Variants in TTC6 observed in about 807,000 individuals in gnomAD.
TTC6 encodes the protein tetratricopeptide repeat domain 6.
TTC6 carries 172 observed loss-of-function variants against 210.4 expected under a neutral mutation model. That is an observed-to-expected ratio of 0.82 (90% confidence interval 0.72 to 0.93). TTC6 has a LOEUF of 0.93. TTC6 is among the 40% of genes least tolerant of loss of function. The pLI is 0.00. For missense variants in TTC6, 2,414 were observed against 2,318.1 expected, an observed-to-expected ratio of 1.04 and a Z score of -0.85; for synonymous variants, 804 against 819.6, an observed-to-expected ratio of 0.98 and a Z score of 0.32.
chr14:37,727,899 T>G (rs984858889), intron 7 of TTC6, among the ~76,000 whole-genome samples: 11 of 152,338 alleles, frequency 7.2e-5, no homozygotes, highest in South Asian at 2.1e-4. Flanking sequence ...TATGGATATT[T>G]GCTTTGGGTT....
At chr14:37,728,147 T>A (rs866093101) in intron 7 of TTC6, among the ~76,000 whole-genome samples, 1 of 146,254 alleles carries the variant, frequency 6.8e-6, no homozygotes, top group Admixed American at 7.2e-5. Context: ...CATTGCTCGA[T>A]AAGTAGTAGG....
At chr14:37,783,738 G>C (rs1357424231) in intron 14 of TTC6, among the ~76,000 whole-genome samples, 1 of 150,836 alleles carries the variant, frequency 6.6e-6, no homozygotes, top group East Asian at 2.0e-4. Flanking sequence ...ATCCATTTTA[G>C]ATCTTTCCTG....
At chr14:37,759,319 A>T (rs1355407820) in intron 14 of TTC6, among the ~76,000 whole-genome samples, 3 of 151,954 alleles carry the variant, frequency 2.0e-5, no homozygotes, top group Non-Finnish European at 2.9e-5. Context: ...AAGAATGTTG[A>T]ATATTGCCAC....
upstream of TTC6, among the ~76,000 whole-genome samples, chr14:37,619,083 A>G (rs1428911379): frequency 6.6e-6 from 1 of 152,262 alleles, no homozygotes. Context: ...GGGATTATAC[A>G]GCATTTTTTA....
In TTC6 at chr14:37,631,807, ATTCC is replaced by A. The variant is rs754582025; in HGVS notation, c.939+8807_939+8810del. Among the ~76,000 whole-genome samples, 6 of 151,964 alleles carry A rather than the reference ATTCC, an allele frequency of 3.9e-5. No homozygotes were observed. The East Asian group carries it at 5.8e-4, about 15-fold the overall frequency. On this transcript the variant is annotated intron_variant, in intron 1 of 30. Coordinates refer to ENST00000553443, the Ensembl canonical transcript of TTC6. ...CCCGTATTTCTTGGAGGCTTTGTTC[ATTCC>A]TTTTCATTCTTTTTTCTCTAATCTT...
At chr14:37,637,947 G>GCTA (rs2095684223) in intron 1 of TTC6, among the ~76,000 whole-genome samples, 1 of 152,170 alleles carries the variant, frequency 6.6e-6, no homozygotes, top group Non-Finnish European at 1.5e-5. Flanking sequence ...AAGTAAGCAT[G>GCTA]CTACTACTAT....
intron 1 of TTC6, among the ~76,000 whole-genome samples, chr14:37,637,798 A>G (rs1166672193): frequency 6.6e-6 from 1 of 152,194 alleles, no homozygotes; most frequent in Non-Finnish European, 1.5e-5. Context: ...AACTACCAGA[A>G]TGTCTAAAAT....
chr14:37,823,721 G>T (rs373231399), intron 26 of TTC6, 26 bp from the exon 29 acceptor site: 2 of 1,588,128 alleles, frequency 1.3e-6, no homozygotes, highest in South Asian at 1.1e-5. Context: ...TCACCAGAAG[G>T]CATCAATATT....
intron 1 of TTC6, among the ~76,000 whole-genome samples, chr14:37,679,721 C>A (rs1362508533): frequency 6.6e-6 from 1 of 151,750 alleles, no homozygotes; most frequent in African/African-American, 2.4e-5. Flanking sequence ...ACAGAGTTTC[C>A]CTCTTGTTGT....
At chr14:37,699,979 G>A (rs1355997163) in intron 4 of TTC6, among the ~76,000 whole-genome samples, 1 of 152,146 alleles carries the variant, frequency 6.6e-6, no homozygotes, top group African/African-American at 2.4e-5. Flanking sequence ...TGATGAATTT[G>A]AGAGGTAGAT....
intron 29 of TTC6, chr14:37,827,648 A>G: frequency 3.7e-6 from 1 of 268,264 alleles, no homozygotes; most frequent in Non-Finnish European, 7.0e-6. Flanking sequence ...TAATTGACAT[A>G]CAACAAATCG....
At chr14:37,784,385 T>G (rs1413121915) in intron 14 of TTC6, among the ~76,000 whole-genome samples, 6 of 152,174 alleles carry the variant, frequency 3.9e-5, no homozygotes, top group Admixed American at 3.9e-4. Context: ...ATGGCCTCCT[T>G]GTGTCTTTTG....
intron 1 of TTC6, among the ~76,000 whole-genome samples, chr14:37,604,320 A>C (rs937000232): frequency 1.3e-5 from 2 of 152,190 alleles, no homozygotes; most frequent in Non-Finnish European, 2.9e-5. Flanking sequence ...GGAGATCCAG[A>C]GACTGCATCA....
chr14:37,714,419 C>T (rs1462158495), intron 5 of TTC6, among the ~76,000 whole-genome samples: 4 of 151,162 alleles, frequency 2.6e-5, no homozygotes, highest in African/African-American at 4.9e-5. Flanking sequence ...ATTTATTATT[C>T]CAGTATAATG....
intron 26 of TTC6, 78 bp downstream of exon 28, chr14:37,817,729 C>A: frequency 7.2e-7 from 1 of 1,389,664 alleles, no homozygotes; most frequent in Non-Finnish European, 1.0e-6. Flanking sequence ...ATAAACAAGC[C>A]AGGAGAGAAT....
intron 1 of TTC6, among the ~76,000 whole-genome samples, chr14:37,635,996 A>AG (rs1334549824): frequency 6.6e-6 from 1 of 150,492 alleles, no homozygotes; most frequent in Non-Finnish European, 1.5e-5. Flanking sequence ...AAAAAAAAAA[A>AG]AAAAGAAAAA....
At chr14:37,788,638 C>T (rs1566955574) in intron 15 of TTC6, among the ~76,000 whole-genome samples, 1 of 152,146 alleles carries the variant, frequency 6.6e-6, no homozygotes, top group African/African-American at 2.4e-5. Context: ...CCAATTTCAG[C>T]TTTTGGCTGG....
Position 37,716,781 on chromosome 14 carries a change from A to G in TTC6, c.1713+1985A>G, listed in dbSNP as rs554661940. The stretch of plus-strand genomic sequence containing the variant: ...CAAAAATTCATAGAACACTTAGAAA[A>G]TCAGCAACAACCTCATCAACCAGTA... On this transcript the variant is annotated intron_variant, in intron 6 of 30. Coordinates refer to ENST00000553443, the Ensembl canonical transcript of TTC6. Among the ~76,000 whole-genome samples the G allele has an allele frequency of 1.2e-3, 187 of 152,242 alleles. 1 individual carries two copies. The highest frequency in any genetic ancestry group is 2.4e-3 in the Admixed American group (37 of 15,292).
At chr14:37,822,404 T>C (rs948813296) in intron 26 of TTC6, among the ~76,000 whole-genome samples, 3 of 152,200 alleles carry the variant, frequency 2.0e-5, no homozygotes, top group Non-Finnish European at 2.9e-5. Context: ...GATGATAATT[T>C]CTGGAACAGT....
Sources: gnomAD v4.1 joint callset for allele counts (sites outside exome capture counted in the v4.1 genomes callset) on GRCh38, gnomAD v4.1.1 for gene constraint, MANE v1.5 for transcripts, NCBI Gene and HGNC (gene_info 2026-07-23, HGNC 2026-07-21) for gene names.